Variants in CYFIP2 observed in about 807,000 individuals in gnomAD.
CYFIP2 encodes the protein cytoplasmic FMR1-interacting protein 2.
A neutral mutation model predicts 158.7 loss-of-function variants in CYFIP2; 29 were observed. The observed-to-expected ratio is 0.18, with a 90% CI of 0.14 to 0.25. The LOEUF is 0.25. CYFIP2 is among the 10% of genes least tolerant of loss of function. The pLI, the probability that CYFIP2 is intolerant of heterozygous loss-of-function variation, is 1.00. For synonymous variants in CYFIP2, 585 were observed against 617.6 expected (o/e 0.95, Z 0.78); for missense variants, 852 against 1,639.5 (o/e 0.52, Z 8.29).
intron 5 of CYFIP2, among the ~76,000 whole-genome samples, chr5:157,297,284 A>G (rs1346189590): frequency 6.6e-6 from 1 of 152,176 alleles, no homozygotes; most frequent in African/African-American, 2.4e-5. Context: ...GTGTGAGGGA[A>G]ATGGGAAGGT....
In CYFIP2 at chr5:157,333,215, T is replaced by G. The variant is rs1476668656; in HGVS notation, c.2266-112T>G. ...GTTTCTCCAGGAAACCCCTCCCACCTGGCAGTCTCACTCCCACCTTGGTCC... is the reference window on the plus strand; with the variant it reads ...GTTTCTCCAGGAAACCCCTCCCACCGGGCAGTCTCACTCCCACCTTGGTCC... On this transcript the variant is annotated intron_variant, in intron 20 of 30. Coordinates refer to ENST00000620254, the MANE Select transcript of CYFIP2 (RefSeq NM_001037333.3). 1.6e-5 allele frequency: 22 copies of G among 1,392,204 alleles called. No individual in the cohort carries two copies. In the East Asian group the frequency reaches 5.1e-4, roughly 32 times the overall value. The allele number at this position is 1,392,204 out of a possible 1,614,324, so 86.2% of individuals were successfully genotyped here. A position where few individuals can be genotyped will look rare whatever the true frequency, so the allele number is the denominator to read the frequency against.
intron 21 of CYFIP2, among the ~76,000 whole-genome samples, chr5:157,336,138 T>C (rs1253299655): frequency 2.0e-5 from 3 of 151,820 alleles, no homozygotes; most frequent in African/African-American, 7.3e-5. Flanking sequence ...AGGAATGAGC[T>C]CCCCTCAGCC....
intron 23 of CYFIP2, chr5:157,343,157 A>T (rs771986507): frequency 3.1e-6 from 5 of 1,614,214 alleles, no homozygotes; most frequent in Non-Finnish European, 4.2e-6. Flanking sequence ...GAAGGCCAAG[A>T]CGGCTGTGAA....
rs1034477098 is a variant in CYFIP2, at chr5:157,296,823, A to C, written c.387+49A>C. ...CATCTGGAGAACTGAAAAGGCCCCT[A>C]GTTTTCTAACCACTGGGGTCTGCAG... On this transcript the variant is annotated intron_variant, in intron 5 of 30. Coordinates refer to ENST00000620254, the MANE Select transcript of CYFIP2 (RefSeq NM_001037333.3). The C allele has an allele frequency of 2.7e-6, 4 of 1,473,228 alleles. No homozygotes were observed. In the East Asian group the frequency reaches 9.1e-5, roughly 34 times the overall value. The allele number at this position is 1,473,228 out of a possible 1,614,324, so 91.3% of individuals were successfully genotyped here.
At chr5:157,373,297 A>G (rs1371769062) in intron 26 of CYFIP2, among the ~76,000 whole-genome samples, 1 of 152,230 alleles carries the variant, frequency 6.6e-6, no homozygotes, top group Non-Finnish European at 1.5e-5. Context: ...GGCAAGACTG[A>G]ATCCCACTGT....
chr5:157,344,581 G>C (rs1762543119), intron 23 of CYFIP2, among the ~76,000 whole-genome samples: 1 of 152,178 alleles, frequency 6.6e-6, no homozygotes, highest in South Asian at 2.1e-4. Flanking sequence ...TTTGATAAGA[G>C]AGAGCCATCT....
intron 20 of CYFIP2, among the ~76,000 whole-genome samples, chr5:157,332,943 C>T (rs1581080827): frequency 1.3e-5 from 2 of 152,230 alleles, no homozygotes; most frequent in African/African-American, 2.4e-5. Context: ...TTGTCTGTCC[C>T]ATGACCATGA....
At chr5:157,365,487 A>C (rs1458358362) in intron 26 of CYFIP2, 2 of 152,180 alleles carry the variant, frequency 1.3e-5, no homozygotes, top group Non-Finnish European at 2.9e-5. Context: ...ATTAGTACAG[A>C]AACCCAGGTA....
intron 3 of CYFIP2, among the ~76,000 whole-genome samples, chr5:157,289,850 A>G (rs907690768): frequency 1.3e-5 from 2 of 152,246 alleles, no homozygotes; most frequent in Non-Finnish European, 2.9e-5. Context: ...TTTATCCTTA[A>G]AAGAGATATG....
chr5:157,378,218 G>A (rs964713331), intron 26 of CYFIP2, among the ~76,000 whole-genome samples: 1 of 152,170 alleles, frequency 6.6e-6, no homozygotes, highest in South Asian at 2.1e-4. Context: ...CATCTGCAAA[G>A]AAATTATTTA....
chr5:157,348,446 C>G (rs1186126666), intron 23 of CYFIP2, among the ~76,000 whole-genome samples: 2 of 152,110 alleles, frequency 1.3e-5, no homozygotes, highest in Non-Finnish European at 2.9e-5. Context: ...GAGTCTCACT[C>G]TGTTGCCCAG....
chr5:157,380,505 A>C (rs1017756634), intron 26 of CYFIP2, among the ~76,000 whole-genome samples: 2 of 152,180 alleles, frequency 1.3e-5, no homozygotes, highest in African/African-American at 4.8e-5. Flanking sequence ...CCCTGTTATA[A>C]TTTTGGAAAG....
At chr5:157,299,253 A>G (rs1758525967) in intron 5 of CYFIP2, among the ~76,000 whole-genome samples, 1 of 152,154 alleles carries the variant, frequency 6.6e-6, no homozygotes, top group Non-Finnish European at 1.5e-5. Context: ...CAGCTCAAGC[A>G]TTGTCCAAGT....
At position 157,314,227 on chromosome 5, in the gene CYFIP2, T is replaced by C. The variant is rs1217571249; in HGVS notation, c.1111-117T>C. The C allele has an allele frequency of 5.3e-6, 7 of 1,308,866 alleles. No homozygotes were observed. In the Middle Eastern group the frequency reaches 6.0e-4, roughly 113 times the overall value. The allele number at this position is 1,308,866 out of a possible 1,614,324, so 81.1% of individuals were successfully genotyped here. ...AGGCACTTGTCTGAGCCTCAGTTTA[T>C]CTGTCAAGGGGATGTAATAATAGCA... On this transcript the variant is annotated intron_variant, in intron 11 of 30. Transcript: ENST00000620254.
chr5:157,278,815 TA>T (rs1351127880), intron 1 of CYFIP2, among the ~76,000 whole-genome samples: 2 of 152,192 alleles, frequency 1.3e-5, no homozygotes, highest in Non-Finnish European at 2.9e-5. Context: ...ACTAGGCCCC[TA>T]AAAACCAGAC....
At chr5:157,379,531 C>G (rs12523370) in intron 26 of CYFIP2, among the ~76,000 whole-genome samples, 30,429 of 151,666 alleles carry the variant, frequency 0.2, 3,260 homozygotes, top group African/African-American at 0.27. Context: ...AATTAGCCAG[C>G]TTGGTGGCAC....
At chr5:157,301,462 G>C (rs995238631) in intron 6 of CYFIP2, among the ~76,000 whole-genome samples, 1 of 152,150 alleles carries the variant, frequency 6.6e-6, no homozygotes, top group Non-Finnish European at 1.5e-5. Context: ...TTCTAAGGAA[G>C]GACAGGATGC....
intron 26 of CYFIP2, among the ~76,000 whole-genome samples, chr5:157,380,834 G>A (rs932841471): frequency 6.6e-6 from 1 of 152,166 alleles, no homozygotes; most frequent in Non-Finnish European, 1.5e-5. Context: ...GTTATATGAT[G>A]AATCAAAGGA....
chr5:157,345,929 A>C (rs1445663577), intron 23 of CYFIP2, among the ~76,000 whole-genome samples: 2 of 152,200 alleles, frequency 1.3e-5, no homozygotes, highest in African/African-American at 4.8e-5. Flanking sequence ...TGTCCCATCT[A>C]GATCCTCTTT....
Sources: gnomAD v4.1 joint callset for allele counts (sites outside exome capture counted in the v4.1 genomes callset) on GRCh38, gnomAD v4.1.1 for gene constraint, MANE v1.5 for transcripts, NCBI Gene and HGNC (gene_info 2026-07-23, HGNC 2026-07-21) for gene names.